DCX: variants seen among roughly 807,000 people sequenced by gnomAD.
DCX encodes the protein neuronal migration protein doublecortin.
Under a neutral mutation model 20.9 loss-of-function variants are expected in DCX, and 4 were observed. The observed-to-expected ratio is 0.19, with a 90% confidence interval of 0.09 to 0.44. DCX has a LOEUF of 0.44. Ranked by LOEUF, DCX falls within the 20% of genes least tolerant of loss-of-function variation. DCX has a pLI of 0.99. For missense variants in DCX, 133 were observed against 296.9 expected (o/e 0.45, Z 4.06); for synonymous variants, 103 against 111.4 (o/e 0.92, Z 0.47).
In DCX at chrX:111,401,231, T is replaced by C. The variant is rs1176488876; in HGVS notation, c.464A>G (p.Asn155Ser). 7.4e-6 allele frequency: 9 copies of C among 1,211,705 alleles called. No homozygotes were observed. The highest frequency in any genetic ancestry group is 1.0e-5 in the Non-Finnish European group (9 of 895,460). ...NWSVNVKTSANMKAPQSLASS... is the reference protein window; with the variant it reads ...NWSVNVKTSASMKAPQSLASS... ...AGCCAAGGACTGGGGGGCTTTCATA[T>C]TGGCAGATGTTTTTACGTTGACAGA... The change falls in exon 3 of 7, where the codon AAT (asparagine) becomes AGT (serine). Residue 155 changes from asparagine to serine, a missense_variant. Asn to Ser is a conservative substitution (Grantham distance 46). Coordinates refer to ENST00000636035, the MANE Select transcript of DCX (RefSeq NM_001195553.2).
intron 6 of DCX, among the ~76,000 whole-genome samples, chrX:111,305,646 C>T (rs1250198207): frequency 2.9e-5 from 3 of 102,690 alleles, no homozygotes; most frequent in African/African-American, 1.1e-4. Context: ...TTAGATCCCT[C>T]ATATATGTGA....
intron 3 of DCX, among the ~76,000 whole-genome samples, chrX:111,393,443 C>G (rs1927099686): frequency 9.0e-6 from 1 of 111,392 alleles, no homozygotes; most frequent in Admixed American, 9.6e-5. Flanking sequence ...GATATGACCC[C>G]AAGGTATAAT....
At position 111,332,414 on chromosome X, in the gene DCX, C is replaced by T. The variant is rs571065178; in HGVS notation, c.808+637G>A. Reference sequence around the variant, plus strand: ...TTGCTTCTCCTAAATGGGAAATATGCTCTGAATGTATCTTTCTATCAGCAT... The same window carrying T: ...TTGCTTCTCCTAAATGGGAAATATGTTCTGAATGTATCTTTCTATCAGCAT... On this transcript the variant is annotated intron_variant, in intron 4 of 6. Transcript: ENST00000636035. 8.0e-5 allele frequency among the ~76,000 whole-genome samples: 9 copies of T among 111,970 alleles called. No homozygotes were observed. The South Asian group carries it at 3.0e-3, about 37-fold the overall frequency.
At chrX:111,398,345 TAA>T (rs1236761906) in intron 3 of DCX, among the ~76,000 whole-genome samples, 14 of 98,823 alleles carry the variant, frequency 1.4e-4, no homozygotes, top group African/African-American at 3.7e-4. Flanking sequence ...TAGCATTAAT[TAA>T]AAAAAAAAAA....
At chrX:111,344,101 A>G (rs991323399) in intron 3 of DCX, among the ~76,000 whole-genome samples, 2 of 112,465 alleles carry the variant, frequency 1.8e-5, no homozygotes, top group Non-Finnish European at 3.8e-5. Context: ...AAATCAATAA[A>G]CATAATCTAT....
rs1308119671 is a variant in DCX, at chrX:111,296,271, T to G, written c.*5416A>C. The G allele has an allele frequency of 8.9e-6, 1 of 111,917 alleles. No individual in the cohort carries two copies. Among genetic ancestry groups the G allele is most frequent in the African/African-American group, 3.3e-5 (1 of 30,757 alleles). The allele number at this position is 111,917 out of a possible 1,213,427, so 9.2% of individuals were successfully genotyped here. A position where few individuals can be genotyped will look rare whatever the true frequency, so the allele number is the denominator to read the frequency against. On this transcript the variant is annotated 3_prime_UTR_variant, in exon 7 of 7. Transcript: ENST00000636035. ...CGCTAATGCCTTCAAGTCTTTGCCT[T>G]ACTTACAAGGTGACTTCTGTTGTGC...
At chrX:111,334,812 G>A (rs145213347) in intron 3 of DCX, among the ~76,000 whole-genome samples, 2 of 112,026 alleles carry the variant, frequency 1.8e-5, no homozygotes, top group Non-Finnish European at 3.8e-5. Context: ...TCGAAATAGA[G>A]CATTTCAATT....
intron 3 of DCX, among the ~76,000 whole-genome samples, chrX:111,356,776 T>A (rs1049880149): frequency 8.9e-6 from 1 of 111,949 alleles, no homozygotes; most frequent in Non-Finnish European, 1.9e-5. Flanking sequence ...AGAATCAAAA[T>A]CAATCAAAAG....
At chrX:111,314,676 T>A (rs1357816446) in intron 5 of DCX, among the ~76,000 whole-genome samples, 1 of 111,781 alleles carries the variant, frequency 8.9e-6, no homozygotes, top group Non-Finnish European at 1.9e-5. Context: ...GTTGCATATG[T>A]TAAATTAGTA....
At chrX:111,332,852 G>A (rs1921378883) in intron 4 of DCX, among the ~76,000 whole-genome samples, 199 bp downstream of exon 4, 1 of 111,241 alleles carries the variant, frequency 9.0e-6, no homozygotes, top group African/African-American at 3.3e-5. Flanking sequence ...TGGAGCCTGG[G>A]ACTCTGGGAT....
intron 3 of DCX, among the ~76,000 whole-genome samples, chrX:111,382,486 C>T (rs1409439065): frequency 2.7e-5 from 3 of 112,045 alleles, no homozygotes; most frequent in Non-Finnish European, 5.6e-5. Flanking sequence ...CACATACAGT[C>T]ACATGTTATC....
intron 6 of DCX, among the ~76,000 whole-genome samples, chrX:111,305,621 C>CT (rs56219121): frequency 0.074 from 6,969 of 94,734 alleles, 565 homozygotes; most frequent in African/African-American, 0.22. Flanking sequence ...TATATTTGAC[C>CT]TTTTTTTTTT....
chrX:111,363,696 G>A (rs917073457), intron 3 of DCX, among the ~76,000 whole-genome samples: 7 of 110,843 alleles, frequency 6.3e-5, no homozygotes, highest in African/African-American at 1.3e-4. Context: ...TTTAGCCACC[G>A]CATTTCACAT....
chrX:111,330,983 T>C lies in DCX; in HGVS notation c.867A>G (p.Thr289=), dbSNP rs780020643. 1 of 1,211,407 alleles carries C rather than the reference T, an allele frequency of 8.3e-7. No homozygotes were observed. The highest frequency in any genetic ancestry group is 2.2e-5 in the Admixed American group (1 of 45,991). Residue 289 remains threonine, a synonymous_variant, in exon 5 of 7, where the codon ACA becomes ACG. Coordinates refer to ENST00000636035, the MANE Select transcript of DCX (RefSeq NM_001195553.2). ...GGCTCTTGGCTGAAGTCTTCTGAGG[T>C]GTTGGGGATGCCTTTGGGCCAGCTG... ...SATAGPKASP[T]PQKTSAKSPG...
At chrX:111,330,554 T>C (rs945641002) in intron 5 of DCX, among the ~76,000 whole-genome samples, 4 of 112,204 alleles carry the variant, frequency 3.6e-5, no homozygotes, top group African/African-American at 1.3e-4. Context: ...ATTCTTTTTC[T>C]TGATTCTGAT....
intron 3 of DCX, among the ~76,000 whole-genome samples, chrX:111,369,382 C>T (rs1924896493): frequency 8.9e-6 from 1 of 111,781 alleles, no homozygotes; most frequent in African/African-American, 3.3e-5. Context: ...AGTATATTCT[C>T]AAAGTTGTGC....
In DCX at chrX:111,297,840, A is replaced by G. The variant is rs374894521; in HGVS notation, c.*3847T>C. 1.3e-4 allele frequency: 15 copies of G among 111,852 alleles called. No homozygotes were observed. The East Asian group carries it at 3.4e-3, about 25-fold the overall frequency. The allele number at this position is 111,852 out of a possible 1,213,427, so 9.2% of individuals were successfully genotyped here. A position where few individuals can be genotyped will look rare whatever the true frequency, so the allele number is the denominator to read the frequency against. ...CAGCTTGCTATTTTGGTGCAAACACAGGAGCCAATGTTTAACATCAGCCAG... is the reference window on the plus strand; with the variant it reads ...CAGCTTGCTATTTTGGTGCAAACACGGGAGCCAATGTTTAACATCAGCCAG... On this transcript the variant is annotated 3_prime_UTR_variant, in exon 7 of 7. Coordinates refer to ENST00000636035, the MANE Select transcript of DCX (RefSeq NM_001195553.2).
chrX:111,316,097 A>AT (rs2095070960), intron 5 of DCX, among the ~76,000 whole-genome samples: 1 of 105,715 alleles, frequency 9.5e-6, no homozygotes, highest in Admixed American at 1.0e-4. Flanking sequence ...AAAAAAAAAA[A>AT]AAAAAAAAAA....
intron 3 of DCX, among the ~76,000 whole-genome samples, chrX:111,363,577 C>G (rs978754601): frequency 9.2e-6 from 1 of 109,071 alleles, no homozygotes; most frequent in South Asian, 4.2e-4. Context: ...TGCAACTCAC[C>G]ACCACTGAAT....
Sources: allele counts gnomAD v4.1 joint callset (sites outside exome capture counted in the v4.1 genomes callset), GRCh38; gene constraint gnomAD v4.1.1; transcripts MANE v1.5; gene names NCBI Gene and HGNC (gene_info 2026-07-23, HGNC 2026-07-21).